RBPMS: variants seen among roughly 807,000 people sequenced by gnomAD.
RBPMS encodes the protein RNA-binding protein with multiple splicing.
RBPMS carries 7 observed loss-of-function variants against 26.8 expected under a neutral mutation model. That is an observed-to-expected ratio of 0.26 (90% CI 0.15 to 0.49). The LOEUF (loss-of-function observed/expected upper bound fraction) is 0.49. Among genes scored for constraint, RBPMS ranks in the 20% least tolerant of loss-of-function variants. The pLI, the probability that RBPMS is intolerant of heterozygous loss-of-function variation, is 0.98. For synonymous variants in RBPMS, 96 were observed against 93.3 expected (o/e 1.03, Z -0.17); for missense variants, 186 against 250.0 (o/e 0.74, Z 1.73).
intron 1 of RBPMS, among the ~76,000 whole-genome samples, chr8:30,458,945 C>A (rs746073652): frequency 8.6e-5 from 13 of 151,740 alleles, no homozygotes; most frequent in African/African-American, 1.2e-4. Context: ...GCATGAGCCA[C>A]CACACCCAGC....
intron 1 of RBPMS, among the ~76,000 whole-genome samples, chr8:30,427,656 C>T (rs775281144): frequency 3.3e-5 from 5 of 152,214 alleles, no homozygotes; most frequent in Non-Finnish European, 5.9e-5. Flanking sequence ...TTGGCAGACT[C>T]CACCGCCTGT....
intron 4 of RBPMS, among the ~76,000 whole-genome samples, chr8:30,482,669 C>T (rs1282396981): frequency 2.0e-5 from 3 of 152,274 alleles, no homozygotes; most frequent in Non-Finnish European, 4.4e-5. Context: ...AAAAGTCCCA[C>T]GTTAGGCAAA....
At chr8:30,569,560 A>G (rs1828127336) in intron 8 of RBPMS, among the ~76,000 whole-genome samples, 1 of 152,148 alleles carries the variant, frequency 6.6e-6, no homozygotes, top group Admixed American at 6.5e-5. Flanking sequence ...GAAGGCCTTG[A>G]AGGATGTGTT....
At chr8:30,479,270 C>T (rs973051946) in intron 3 of RBPMS, 45 bp from the exon 4 acceptor site, 1 of 1,412,138 alleles carries the variant, frequency 7.1e-7, no homozygotes, top group Non-Finnish European at 1.0e-6. Context: ...GAAAAGTAGA[C>T]ATCATCTGAT....
chr8:30,495,015 G>A (rs1819779239), intron 4 of RBPMS, among the ~76,000 whole-genome samples: 3 of 152,186 alleles, frequency 2.0e-5, no homozygotes, highest in Admixed American at 2.0e-4. Flanking sequence ...TAGTCACTAG[G>A]AAATATTAAA....
intron 6 of RBPMS, 107 bp downstream of exon 6, chr8:30,544,731 C>G (rs773655444): frequency 6.2e-7 from 1 of 1,601,670 alleles, no homozygotes; most frequent in Non-Finnish European, 8.5e-7. Flanking sequence ...GCTAACAGAT[C>G]CACCCTCAAG....
At chr8:30,465,148 G>A (rs199645507) in intron 1 of RBPMS, among the ~76,000 whole-genome samples, 147 of 152,316 alleles carry the variant, frequency 9.7e-4, no homozygotes, top group African/African-American at 3.4e-3. Context: ...GGAACTTCTT[G>A]TTGAACTCTA....
intron 5 of RBPMS, among the ~76,000 whole-genome samples, chr8:30,539,153 G>T (rs918521865): frequency 2.0e-5 from 3 of 151,522 alleles, no homozygotes; most frequent in Non-Finnish European, 4.4e-5. Context: ...TATTAAAAAT[G>T]GAATTTTTCA....
chr8:30,431,863 A>G lies in RBPMS; in HGVS notation c.67-42916A>G, dbSNP rs1195745397. Among the ~76,000 whole-genome samples the G allele has an allele frequency of 3.9e-5, 6 of 152,136 alleles. No homozygotes were observed. The East Asian group carries it at 9.7e-4, about 24-fold the overall frequency. On this transcript the variant is annotated intron_variant, in intron 1 of 8. Transcript: ENST00000397323. ...GGGCCAGGCATTGTGGCTCACACCT[A>G]TAATCCCAGTACTTTGGGAGGCCGA...
intron 1 of RBPMS, among the ~76,000 whole-genome samples, chr8:30,454,829 G>T (rs1375291187): frequency 2.6e-5 from 4 of 151,876 alleles, no homozygotes; most frequent in Non-Finnish European, 5.9e-5. Context: ...TGTTTGTTTG[G>T]TTTGTTTTTT....
intron 1 of RBPMS, chr8:30,446,842 T>TGCGCGCGCGC (rs10544192): frequency 1.5e-5 from 1 of 65,556 alleles, no homozygotes; most frequent in Non-Finnish European, 3.3e-5. Context: ...TGTGTGTGTG[T>TGCGCGCGCGC]GCGCGCGCGC....
chr8:30,444,698 G>T (rs191269186), intron 1 of RBPMS: 1 of 152,298 alleles, frequency 6.6e-6, no homozygotes, highest in African/African-American at 2.4e-5. Flanking sequence ...CATGGTAAAA[G>T]AACAAGAAAG....
At chr8:30,512,751 ATACTT>A (rs1821854335) in intron 5 of RBPMS, among the ~76,000 whole-genome samples, 2 of 152,142 alleles carry the variant, frequency 1.3e-5, no homozygotes, top group African/African-American at 2.4e-5. Context: ...TGACCATACT[ATACTT>A]AAACAAATTC....
At chr8:30,502,803 C>T (rs1250019956) in intron 4 of RBPMS, among the ~76,000 whole-genome samples, 1 of 152,180 alleles carries the variant, frequency 6.6e-6, no homozygotes, top group Non-Finnish European at 1.5e-5. Flanking sequence ...TGCAGCTTTG[C>T]TTTTTGTTTT....
chr8:30,558,827 C>T (rs376579362), intron 6 of RBPMS, 60 bp from the exon 7 acceptor site: 19 of 1,425,900 alleles, frequency 1.3e-5, no homozygotes, highest in African/African-American at 9.9e-5. Flanking sequence ...CAGGACCCTC[C>T]GTGAGAATGG....
chr8:30,463,360 A>G (rs1816156663), intron 1 of RBPMS, among the ~76,000 whole-genome samples: 1 of 152,256 alleles, frequency 6.6e-6, no homozygotes, highest in South Asian at 2.1e-4. Flanking sequence ...GGCTGCGGTC[A>G]TCTGAAGACT....
intron 1 of RBPMS, chr8:30,387,386 C>G (rs1217333498): frequency 6.6e-6 from 1 of 152,122 alleles, no homozygotes; most frequent in Non-Finnish European, 1.5e-5. Flanking sequence ...CTCTTAACCT[C>G]TTTTTTGTTT....
intron 4 of RBPMS, among the ~76,000 whole-genome samples, chr8:30,491,372 A>C (rs983537458): frequency 6.6e-6 from 1 of 152,216 alleles, no homozygotes; most frequent in Non-Finnish European, 1.5e-5. Context: ...GAGGGGGAAG[A>C]AAACAAGAAA....
chr8:30,562,715 T>G (rs368190361), intron 7 of RBPMS, among the ~76,000 whole-genome samples: 1 of 152,210 alleles, frequency 6.6e-6, no homozygotes, highest in Non-Finnish European at 1.5e-5. Flanking sequence ...ATACCATTCA[T>G]TGGCAGAGGC....
Sources: allele counts gnomAD v4.1 joint callset (sites outside exome capture counted in the v4.1 genomes callset), GRCh38; gene constraint gnomAD v4.1.1; transcripts MANE v1.5; gene names NCBI Gene and HGNC (gene_info 2026-07-23, HGNC 2026-07-21).